Variants in TF observed in about 807,000 individuals in gnomAD.
TF encodes transferrin.
In TF, 55 loss-of-function variants were observed where a neutral mutation model predicts 82.4. The observed-to-expected ratio is 0.67, with a 90% CI of 0.54 to 0.84. The LOEUF is 0.84. Ranked by LOEUF, TF falls within the 40% of genes least tolerant of loss-of-function variation. The pLI, the probability that TF is intolerant of heterozygous loss-of-function variation, is 0.00. For missense variants in TF, 737 were observed against 868.4 expected (o/e 0.85, Z 1.90); for synonymous variants, 332 against 332.6 (o/e 1.00, Z 0.02).
chr3:133,736,631 C>CAAAA, the TF span, among the ~76,000 whole-genome samples: 46 of 32,548 alleles, frequency 1.4e-3, 3 homozygotes, highest in African/African-American at 3.5e-3. Context: ...AATGGAAAGC[C>CAAAA]AAAAAAAAAA....
chr3:133,770,508 G>A lies in TF; in HGVS notation c.1623G>A (p.Arg541=), dbSNP rs1934233638. The part of the protein sequence containing the change: ...EGYYGYTGAF[R]CLVEKGDVAF... ...CTCTCCCACTTCTGGACCTCTGCAGGTGTCTGGTTGAGAAGGGAGATGTGG... is the reference window on the plus strand; with the variant it reads ...CTCTCCCACTTCTGGACCTCTGCAGATGTCTGGTTGAGAAGGGAGATGTGG... The change falls in exon 14 of 17, where the codon AGG becomes AGA. Residue 541 remains arginine, a splice_region_variant and synonymous_variant. Coordinates refer to ENST00000402696, the MANE Select transcript of TF (RefSeq NM_001063.4). The A allele has an allele frequency of 2.5e-6, 4 of 1,613,960 alleles. No homozygotes were observed. Among genetic ancestry groups the A allele is most frequent in the Non-Finnish European group, 1.7e-6 (2 of 1,179,988 alleles).
At chr3:133,703,238 T>A in the TF span, among the ~76,000 whole-genome samples, 1 of 152,372 alleles carries the variant, frequency 6.6e-6, no homozygotes, top group South Asian at 2.1e-4. Flanking sequence ...GTGACAAGCA[T>A]GTTTATGAGC....
At chr3:133,736,643 A>AAAAAAAAAAAAAAAT in the TF span, among the ~76,000 whole-genome samples, 1 of 146,448 alleles carries the variant, frequency 6.8e-6, no homozygotes, top group East Asian at 2.0e-4. Flanking sequence ...AAAAAAAAAA[A>AAAAAAAAAAAAAAAT]AAAAAAAAGC....
rs1934975184 is a variant in TF at position 133,796,474 on chromosome 3, C to G, written c.*17854C>G. 1 of 152,264 alleles carries G rather than the reference C, an allele frequency of 6.6e-6. No homozygotes were observed. The highest frequency in any genetic ancestry group is 1.5e-5 in the Non-Finnish European group (1 of 68,082). The allele number at this position is 152,264 out of a possible 1,614,324, so 9.4% of individuals were successfully genotyped here. On this transcript the variant is annotated 3_prime_UTR_variant, in exon 17 of 17. Transcript: ENST00000402696. Reference sequence around the variant, plus strand: ...ACACTTCAGCTATGATGGGAAATGTCTTCTGTATTTACATAGGGCATACAC... The same window carrying G: ...ACACTTCAGCTATGATGGGAAATGTGTTCTGTATTTACATAGGGCATACAC...
chr3:133,733,051 C>G, the TF span, among the ~76,000 whole-genome samples: 6 of 152,230 alleles, frequency 3.9e-5, no homozygotes, highest in African/African-American at 1.4e-4. Flanking sequence ...CTTCTACCAA[C>G]GCTATGTTCC....
the TF span, among the ~76,000 whole-genome samples, chr3:133,668,670 C>T: frequency 6.6e-6 from 1 of 152,176 alleles, no homozygotes; most frequent in African/African-American, 2.4e-5. Context: ...ACCCCCTCAC[C>T]CTTAGCACTC....
intron 13 of TF, among the ~76,000 whole-genome samples, chr3:133,768,773 T>C (rs1934189774): frequency 1.3e-5 from 2 of 149,160 alleles, no homozygotes; most frequent in Admixed American, 1.3e-4. Context: ...GAGATACCTG[T>C]GTACCTTGCT....
rs927070310 is a variant in TF at position 133,760,299 on chromosome 3, T to C, written c.1203+970T>C. The C allele has an allele frequency of 3.3e-5, 5 of 152,616 alleles. No homozygotes were observed. In the East Asian group the frequency reaches 7.7e-4, roughly 24 times the overall value. The allele number at this position is 152,616 out of a possible 1,614,324, so 9.5% of individuals were successfully genotyped here. A position where few individuals can be genotyped will look rare whatever the true frequency, so the allele number is the denominator to read the frequency against. ...ATGTTAATTCTACTTTTTGAGCACT[T>C]ATGAATAACCATGTATCTTCAGAAC... On this transcript the variant is annotated intron_variant, in intron 9 of 16. Coordinates refer to ENST00000402696, the MANE Select transcript of TF (RefSeq NM_001063.4).
the TF span, among the ~76,000 whole-genome samples, chr3:133,737,593 A>G: frequency 0.36 from 55,221 of 151,800 alleles, 10,369 homozygotes; most frequent in South Asian, 0.5. Flanking sequence ...AAAAGAGAGA[A>G]GAGTCAAATA....
the TF span, among the ~76,000 whole-genome samples, chr3:133,714,174 G>A: frequency 6.6e-6 from 1 of 152,142 alleles, no homozygotes; most frequent in Admixed American, 6.5e-5. Flanking sequence ...GCTGTGTGGA[G>A]GCCAGAGAAG....
At chr3:133,682,818 C>A in the TF span, among the ~76,000 whole-genome samples, 8 of 152,314 alleles carry the variant, frequency 5.3e-5, 1 homozygote, top group East Asian at 1.9e-4. Context: ...CCCAACCTAG[C>A]AAGGCAGGCC....
intron 2 of TF, 148 bp from the exon 3 acceptor site, chr3:133,753,447 A>T (rs1304591121): frequency 1.4e-6 from 1 of 699,106 alleles, no homozygotes; most frequent in Admixed American, 2.0e-5. Context: ...AGACAGAGTC[A>T]ACTGAAGCCA....
At chr3:133,722,849 T>A in the TF span, among the ~76,000 whole-genome samples, 63,677 of 151,648 alleles carry the variant, frequency 0.42, 14,602 homozygotes, top group African/African-American at 0.61. Context: ...TTGATTTATT[T>A]AATTACTTCT....
chr3:133,745,958 G>A (rs992513482), upstream of TF: 1 of 195,498 alleles, frequency 5.1e-6, no homozygotes, highest in South Asian at 1.1e-4. Context: ...CCCAAAAGGG[G>A]CTTTGCCTGT....
chr3:133,770,643 G>A, intron 14 of TF, 71 bp downstream of exon 14: 1 of 1,498,752 alleles, frequency 6.7e-7, no homozygotes, highest in South Asian at 1.1e-5. Context: ...TGTATTCAGG[G>A]ATGCCTTTGT....
chr3:133,715,341 A>G, the TF span, among the ~76,000 whole-genome samples: 1 of 152,150 alleles, frequency 6.6e-6, no homozygotes, highest in Non-Finnish European at 1.5e-5. Flanking sequence ...ATCTACCCAC[A>G]TGCCAGCATC....
At chr3:133,733,901 C>T in the TF span, among the ~76,000 whole-genome samples, 1 of 151,902 alleles carries the variant, frequency 6.6e-6, no homozygotes, top group Non-Finnish European at 1.5e-5. Flanking sequence ...ATTCTATTCT[C>T]GTTCCTTTGC....
At chr3:133,724,879 G>C in the TF span, among the ~76,000 whole-genome samples, 1 of 152,178 alleles carries the variant, frequency 6.6e-6, no homozygotes, top group Non-Finnish European at 1.5e-5. Context: ...CATATGGCTA[G>C]CCAGTTTTCC....
chr3:133,756,263 A>G lies in TF; in HGVS notation c.636-19A>G. On this transcript the variant is annotated intron_variant, in intron 5 of 16. Transcript: ENST00000402696. The stretch of plus-strand genomic sequence containing the variant: ...GGCCTGCCCTGCAGGAGCCCTGCTG[A>G]TGTGTTTCTTTGACCCAGGTGTCTG... 1 of 1,613,678 alleles carries G rather than the reference A, an allele frequency of 6.2e-7. No homozygotes were observed. Among genetic ancestry groups the G allele is most frequent in the East Asian group, 2.2e-5 (1 of 44,882 alleles).
Sources: allele counts gnomAD v4.1 joint callset (sites outside exome capture counted in the v4.1 genomes callset), GRCh38; gene constraint gnomAD v4.1.1; transcripts MANE v1.5; gene names NCBI Gene and HGNC (gene_info 2026-07-23, HGNC 2026-07-21).